Variants in PHACTR2 observed in about 807,000 individuals in gnomAD.
PHACTR2 encodes the protein chromosome 6 open reading frame 56.
Under a neutral mutation model 76.0 loss-of-function variants are expected in PHACTR2, and 30 were observed. That is an observed-to-expected ratio of 0.39 (90% CI 0.30 to 0.54). PHACTR2 has a LOEUF of 0.54. PHACTR2 is among the 20% of genes least tolerant of loss of function. The pLI is 0.61. For missense variants in PHACTR2, 696 were observed against 781.1 expected (o/e 0.89, Z 1.30); for synonymous variants, 292 against 292.5 (o/e 1.00, Z 0.02).
intron 1 of PHACTR2, among the ~76,000 whole-genome samples, chr6:143,704,095 C>CTGTGTGTGAGTGTGTCTGTG (rs1554221237): frequency 1.4e-5 from 2 of 144,128 alleles, no homozygotes; most frequent in Non-Finnish European, 3.0e-5. Flanking sequence ...GTGTGTGTGT[C>CTGTGTGTGAGTGTGTCTGTG]TGTGTGTGTG....
rs1775920335 is a variant in PHACTR2, at chr6:143,800,214, T to C, written c.1846-6843T>C. On this transcript the variant is annotated intron_variant, in intron 11 of 12. Transcript: ENST00000440869. The surrounding 1 kb of genome is among the most constrained non-coding windows in gnomAD (Gnocchi z 4.8). ...ACCAGGATTGCAACCTGTGCTATTTTTTTACTTTCTATTTGCTTGGTAGGT... is the reference window on the plus strand; with the variant it reads ...ACCAGGATTGCAACCTGTGCTATTTCTTTACTTTCTATTTGCTTGGTAGGT... 6.6e-6 allele frequency among the ~76,000 whole-genome samples: 1 copy of C among 152,158 alleles called. No homozygotes were observed. Among genetic ancestry groups the C allele is most frequent in the Admixed American group, 6.5e-5 (1 of 15,272 alleles).
rs545085341 is a variant in PHACTR2 at position 143,738,007 on chromosome 6, C to T, written c.215-10978C>T. On this transcript the variant is annotated intron_variant, in intron 2 of 12. Coordinates refer to ENST00000440869, the MANE Select transcript of PHACTR2 (RefSeq NM_001100164.2). This position sits in a 1 kb window ranked among gnomAD's most constrained non-coding sequence, Gnocchi z 4.0. ...AATAAACATGGATTTGGGGAAATTC[C>T]TACTCAAATCTTCTTACAACTTAGA... Among the ~76,000 whole-genome samples the T allele has an allele frequency of 1.3e-5, 2 of 152,292 alleles. No homozygotes were observed. The highest frequency in any genetic ancestry group is 3.9e-4 in the East Asian group (2 of 5,188).
chr6:143,771,174 G>A (rs9403530), intron 6 of PHACTR2, among the ~76,000 whole-genome samples: 1,806 of 68,644 alleles, frequency 0.026, 135 homozygotes, highest in African/African-American at 0.1. Flanking sequence ...ATATATATAT[G>A]TATATATATA....
chr6:143,668,896 T>G (rs971538189), intron 1 of PHACTR2, among the ~76,000 whole-genome samples: 11 of 152,192 alleles, frequency 7.2e-5, no homozygotes, highest in African/African-American at 2.7e-4. Flanking sequence ...TCTTAGTTAT[T>G]TCTTGTTTTC....
intron 1 of PHACTR2, among the ~76,000 whole-genome samples, chr6:143,636,635 T>G (rs1216962131): frequency 6.6e-6 from 1 of 152,270 alleles, no homozygotes; most frequent in African/African-American, 2.4e-5. Flanking sequence ...CCATGCTTTC[T>G]TAATTATTTT....
chr6:143,574,365 A>T (rs771126853), intron 1 of PHACTR2, among the ~76,000 whole-genome samples: 1 of 152,120 alleles, frequency 6.6e-6, no homozygotes, highest in Admixed American at 6.5e-5. Flanking sequence ...TTTCATTTAC[A>T]CTCAAGGCTA....
chr6:143,702,635 TAATATATAGCATAATGTG>T (rs1777940797), intron 1 of PHACTR2, among the ~76,000 whole-genome samples: 1 of 152,188 alleles, frequency 6.6e-6, no homozygotes, highest in Non-Finnish European at 1.5e-5. Flanking sequence ...TATAGGGCTT[TAATATATAGCATAATGTG>T]AAAGTACTAA....
Position 143,578,550 on chromosome 6 carries a change from C to A in PHACTR2, c.217+41343C>A, listed in dbSNP as rs1775537496. Among the ~76,000 whole-genome samples the A allele has an allele frequency of 6.6e-6, 1 of 151,978 alleles. No individual in the cohort carries two copies. Among genetic ancestry groups the A allele is most frequent in the Admixed American group, 6.6e-5 (1 of 15,258 alleles). ...CAAGCTGGGTACAAAATCACTCCTG[C>A]CAACAAGAAAAGGAGGAAAAGGACC... On this transcript the variant is annotated intron_variant, in intron 1 of 11. Coordinates refer to the PHACTR2 transcript ENST00000367584. The surrounding 1 kb of genome is among the most constrained non-coding windows in gnomAD (Gnocchi z 4.5).
At position 143,623,960 on chromosome 6, in the gene PHACTR2, T is replaced by C. The variant is rs189295577; in HGVS notation, c.13+15638T>C. Among the ~76,000 whole-genome samples, 45 of 152,304 alleles carry C rather than the reference T, an allele frequency of 3.0e-4. No homozygotes were observed. In the East Asian group the frequency reaches 7.7e-3, roughly 26 times the overall value. On this transcript the variant is annotated intron_variant, in intron 1 of 11. Coordinates refer to the PHACTR2 transcript ENST00000305766. The surrounding 1 kb of genome is among the most constrained non-coding windows in gnomAD (Gnocchi z 5.9). ...ATAAGTTGCTAATGACATGGGTCCCTACCCCAGAGTAACTTGGGGTGAGTG... is the reference window on the plus strand; with the variant it reads ...ATAAGTTGCTAATGACATGGGTCCCCACCCCAGAGTAACTTGGGGTGAGTG...
In PHACTR2 at chr6:143,683,518, A is replaced by G. The variant is rs1247304415; in HGVS notation, c.46+5309A>G. ...TCCTCAATCCTTGGGTTGAAAGGGC[A>G]GACAATGCCACTGTCCCCATTTTTA... On this transcript the variant is annotated intron_variant, in intron 1 of 12. Transcript: ENST00000440869. The surrounding 1 kb of genome is among the most constrained non-coding windows in gnomAD (Gnocchi z 4.1). Among the ~76,000 whole-genome samples, 3 of 152,206 alleles carry G rather than the reference A, an allele frequency of 2.0e-5. No homozygotes were observed. The East Asian group carries it at 5.8e-4, about 29-fold the overall frequency.
intron 1 of PHACTR2, among the ~76,000 whole-genome samples, chr6:143,655,105 C>T (rs751521819): frequency 6.9e-6 from 1 of 144,158 alleles, no homozygotes; most frequent in African/African-American, 2.6e-5. Context: ...TGCGGTGAGC[C>T]GAGATCGTGC....
chr6:143,588,664 A>G (rs976222314), intron 1 of PHACTR2, among the ~76,000 whole-genome samples: 3 of 152,354 alleles, frequency 2.0e-5, no homozygotes, highest in East Asian at 1.9e-4. Flanking sequence ...CAACGAAACT[A>G]AAAGTCAGTT....
In PHACTR2 at chr6:143,738,159, C is replaced by A. The variant is rs1322337495; in HGVS notation, c.215-10826C>A. On this transcript the variant is annotated intron_variant, in intron 2 of 12. Transcript: ENST00000440869. The surrounding 1 kb of genome is among the most constrained non-coding windows in gnomAD (Gnocchi z 4.0). Reference sequence around the variant, plus strand: ...AGGCGCTGTGGCCCACGCCTGTAATCCTAGCACTTTGGGAGTCCTAGGCAG... The same window carrying A: ...AGGCGCTGTGGCCCACGCCTGTAATACTAGCACTTTGGGAGTCCTAGGCAG... Among the ~76,000 whole-genome samples the A allele has an allele frequency of 6.6e-6, 1 of 152,148 alleles. No homozygotes were observed. Among genetic ancestry groups the A allele is most frequent in the Non-Finnish European group, 1.5e-5 (1 of 68,034 alleles).
chr6:143,804,810 A>G (rs1260097637), intron 11 of PHACTR2, among the ~76,000 whole-genome samples: 1 of 152,206 alleles, frequency 6.6e-6, no homozygotes, highest in African/African-American at 2.4e-5. Context: ...CTTCCATTCC[A>G]GTGGACTCTT....
chr6:143,711,906 C>A, intron 1 of PHACTR2, 110 bp from the exon 2 acceptor site: 1 of 913,438 alleles, frequency 1.1e-6, no homozygotes, highest in Non-Finnish European at 1.8e-6. Context: ...ATGTGAGATT[C>A]CAATTAGAGT....
intron 1 of PHACTR2, among the ~76,000 whole-genome samples, chr6:143,601,009 T>C (rs1186752316): frequency 2.6e-5 from 4 of 152,240 alleles, no homozygotes; most frequent in African/African-American, 9.6e-5. Flanking sequence ...TTTGTGCATC[T>C]TGAGGCACAT....
chr6:143,756,953 G>C (rs1209985151), intron 4 of PHACTR2, among the ~76,000 whole-genome samples: 1 of 151,784 alleles, frequency 6.6e-6, no homozygotes, highest in African/African-American at 2.4e-5. Flanking sequence ...AGCTGAGGCA[G>C]GGAGAATTGC....
chr6:143,671,078 C>T lies in PHACTR2; in HGVS notation c.14-40938C>T, dbSNP rs774930144. 2.6e-4 allele frequency among the ~76,000 whole-genome samples: 40 copies of T among 151,958 alleles called. No homozygotes were observed. The highest frequency in any genetic ancestry group is 4.0e-4 in the Non-Finnish European group (27 of 67,986). ...CCGAGTAGCTGGGATTACAGGAATG[C>T]GCCACCATGCCCAGCTAATTTTTGT... On this transcript the variant is annotated intron_variant, in intron 1 of 11. Transcript: ENST00000305766. The surrounding 1 kb of genome is among the most constrained non-coding windows in gnomAD (Gnocchi z 4.6).
At chr6:143,631,527 A>G (rs986413724) in intron 1 of PHACTR2, among the ~76,000 whole-genome samples, 1 of 152,090 alleles carries the variant, frequency 6.6e-6, no homozygotes, top group Non-Finnish European at 1.5e-5. Flanking sequence ...TCCTGGCTCC[A>G]TCTGCAGAGC....
Sources: gnomAD v4.1 joint callset for allele counts (sites outside exome capture counted in the v4.1 genomes callset) on GRCh38, gnomAD v4.1.1 for gene constraint, Gnocchi (gnomAD v3.1) non-coding constraint, MANE v1.5 for transcripts, NCBI Gene and HGNC (gene_info 2026-07-23, HGNC 2026-07-21) for gene names.